Variants in DGKB observed in about 807,000 individuals in gnomAD.
DGKB encodes diacylglycerol kinase beta, also known as 90 kDa diacylglycerol kinase.
In DGKB, 67 loss-of-function variants were observed where a neutral mutation model predicts 114.3. The observed-to-expected ratio is 0.59, with a 90% CI of 0.48 to 0.72. The LOEUF is 0.72. DGKB is among the 30% of genes least tolerant of loss of function. The pLI, the probability that DGKB is intolerant of heterozygous loss-of-function variation, is 0.00. For missense variants in DGKB, 907 were observed against 975.2 expected, an observed-to-expected ratio of 0.93 and a Z score of 0.93; for synonymous variants, 398 against 323.1, an observed-to-expected ratio of 1.23 and a Z score of -2.49.
intron 21 of DGKB, among the ~76,000 whole-genome samples, chr7:14,446,782 C>A (rs550595773): frequency 2.0e-5 from 3 of 152,200 alleles, no homozygotes; most frequent in African/African-American, 7.2e-5. Flanking sequence ...ATAAACTTGG[C>A]CTCATTAATG....
chr7:14,377,158 A>G (rs1237688011), intron 21 of DGKB, among the ~76,000 whole-genome samples: 1 of 152,068 alleles, frequency 6.6e-6, no homozygotes, highest in East Asian at 1.9e-4. Flanking sequence ...GTCTCAAGGG[A>G]TTTTTTCCTC....
intron 2 of DGKB, among the ~76,000 whole-genome samples, chr7:14,798,200 C>T (rs759396209): frequency 1.1e-4 from 17 of 152,134 alleles, no homozygotes; most frequent in Admixed American, 2.0e-4. Context: ...GGACTCTATC[C>T]GGAACTGTCA....
chr7:14,649,979 C>T (rs1357819815), intron 13 of DGKB, among the ~76,000 whole-genome samples: 1 of 149,756 alleles, frequency 6.7e-6, no homozygotes, highest in Non-Finnish European at 1.5e-5. Context: ...AATACAGGAG[C>T]ACCCAGATTC....
At chr7:14,939,142 C>T (rs1785425057) in intron 1 of DGKB, among the ~76,000 whole-genome samples, 1 of 152,042 alleles carries the variant, frequency 6.6e-6, no homozygotes, top group African/African-American at 2.4e-5. Context: ...GCCTATATTA[C>T]CCTAAATTAG....
At chr7:14,200,195 C>G (rs1785626436) in intron 23 of DGKB, among the ~76,000 whole-genome samples, 1 of 151,948 alleles carries the variant, frequency 6.6e-6, no homozygotes, top group South Asian at 2.1e-4. Context: ...GTTGCCAGTC[C>G]TCTGCTAAAT....
intron 23 of DGKB, among the ~76,000 whole-genome samples, chr7:14,237,487 G>C (rs1363886997): frequency 6.9e-6 from 1 of 144,372 alleles, no homozygotes; most frequent in Non-Finnish European, 1.5e-5. Context: ...TCCTTGCCTA[G>C]GCCACCAAAT....
chr7:14,832,269 C>CA (rs1256091421), intron 2 of DGKB, among the ~76,000 whole-genome samples: 21 of 151,936 alleles, frequency 1.4e-4, no homozygotes, highest in Non-Finnish European at 2.9e-4. Flanking sequence ...AAACCAAAAA[C>CA]AAAAATCAAG....
At chr7:14,682,506 C>T (rs372738125) in intron 12 of DGKB, 47 bp downstream of exon 12, 1 of 1,291,276 alleles carries the variant, frequency 7.7e-7, no homozygotes, top group South Asian at 1.2e-5. Context: ...ATATACACGT[C>T]TTCAGTGTGG....
intron 21 of DGKB, among the ~76,000 whole-genome samples, chr7:14,390,309 G>C (rs1263852080): frequency 6.6e-6 from 1 of 152,100 alleles, no homozygotes; most frequent in African/African-American, 2.4e-5. Flanking sequence ...TCAGCAAATG[G>C]AGAATCTCAT....
At chr7:14,212,938 T>TA (rs1788365304) in intron 23 of DGKB, among the ~76,000 whole-genome samples, 1 of 152,040 alleles carries the variant, frequency 6.6e-6, no homozygotes, top group African/African-American at 2.4e-5. Flanking sequence ...ATGTACTTTA[T>TA]AAAAAATGGC....
chr7:14,254,418 A>T (rs1795670356), intron 23 of DGKB, among the ~76,000 whole-genome samples: 1 of 152,172 alleles, frequency 6.6e-6, no homozygotes, highest in Non-Finnish European at 1.5e-5. Context: ...ATCCTCATTA[A>T]TGAGGAAGGG....
intron 23 of DGKB, among the ~76,000 whole-genome samples, chr7:14,230,147 C>T (rs139855167): frequency 2.0e-5 from 3 of 151,996 alleles, no homozygotes; most frequent in Non-Finnish European, 2.9e-5. Flanking sequence ...AAATATTTAA[C>T]AAAAGAGTGC....
intron 23 of DGKB, among the ~76,000 whole-genome samples, chr7:14,334,719 T>C (rs1256076824): frequency 6.6e-6 from 1 of 152,102 alleles, no homozygotes; most frequent in East Asian, 1.9e-4. Context: ...TACTTTCATC[T>C]GCAATCAGTC....
At chr7:14,658,356 G>A (rs1816290286) in intron 13 of DGKB, among the ~76,000 whole-genome samples, 1 of 151,970 alleles carries the variant, frequency 6.6e-6, no homozygotes, top group Non-Finnish European at 1.5e-5. Flanking sequence ...ATATGTGGGA[G>A]TTAAAAAGTT....
chr7:14,406,927 A>G (rs1824030895), intron 21 of DGKB, among the ~76,000 whole-genome samples: 1 of 152,104 alleles, frequency 6.6e-6, no homozygotes, highest in Non-Finnish European at 1.5e-5. Context: ...AGAAGAACAG[A>G]TTGGTTGAGA....
At chr7:14,612,530 T>G (rs1294573936) in intron 16 of DGKB, among the ~76,000 whole-genome samples, 1 of 152,118 alleles carries the variant, frequency 6.6e-6, no homozygotes, top group African/African-American at 2.4e-5. Flanking sequence ...GCTGGAAAGT[T>G]AAATGGTAGA....
intron 21 of DGKB, among the ~76,000 whole-genome samples, chr7:14,471,708 A>T (rs1490277732): frequency 6.6e-6 from 1 of 152,110 alleles, no homozygotes; most frequent in Non-Finnish European, 1.5e-5. Context: ...GACTCACTCT[A>T]CATATCACAG....
chr7:14,528,965 A>C (rs999242722), intron 20 of DGKB, among the ~76,000 whole-genome samples: 1 of 152,018 alleles, frequency 6.6e-6, no homozygotes, highest in Non-Finnish European at 1.5e-5. Context: ...GGTCTACTGC[A>C]CTGGGATTCA....
intron 23 of DGKB, among the ~76,000 whole-genome samples, chr7:14,257,092 A>T (rs1032948439): frequency 2.0e-5 from 3 of 152,064 alleles, no homozygotes; most frequent in South Asian, 2.1e-4. Context: ...GAACACAGGA[A>T]TTCAAGGTTA....
Sources: gnomAD v4.1 joint callset for allele counts (sites outside exome capture counted in the v4.1 genomes callset) on GRCh38, gnomAD v4.1.1 for gene constraint, MANE v1.5 for transcripts, NCBI Gene and HGNC (gene_info 2026-07-23, HGNC 2026-07-21) for gene names.